Variants in FHIP1A observed in about 807,000 individuals in gnomAD.
FHIP1A encodes the protein FHF complex subunit HOOK-interacting protein 1A.
In FHIP1A, 61 loss-of-function variants were observed where a neutral mutation model predicts 88.6. That is an observed-to-expected ratio of 0.69 (90% CI 0.56 to 0.85). FHIP1A has a LOEUF of 0.85. Among genes scored for constraint, FHIP1A ranks in the 40% least tolerant of loss-of-function variants. FHIP1A has a pLI of 0.00. For missense variants in FHIP1A, 1,154 were observed against 1,273.5 expected, an observed-to-expected ratio of 0.91 and a Z score of 1.43; for synonymous variants, 478 against 496.0, an observed-to-expected ratio of 0.96 and a Z score of 0.48.
In FHIP1A at chr4:151,577,566, G is replaced by T; in HGVS notation, c.222G>T (p.Leu74Phe). 6.4e-7 allele frequency: 1 copy of T among 1,551,892 alleles called. No homozygotes were observed. Among genetic ancestry groups the T allele is most frequent in the Non-Finnish European group, 8.7e-7 (1 of 1,147,024 alleles). Residue 74 changes from leucine to phenylalanine, a missense_variant, in exon 5 of 14, where the codon TTG (leucine) becomes TTT (phenylalanine). Transcript: ENST00000435205. ...VQNYVEHMLF[L>F]LIEEQAKDAA... ...ATTACGTAGAACACATGCTCTTCTTGTTGATTGAAGAGCAAGCCAAAGATG... is the reference window on the plus strand; with the variant it reads ...ATTACGTAGAACACATGCTCTTCTTTTTGATTGAAGAGCAAGCCAAAGATG...
intron 11 of FHIP1A, among the ~76,000 whole-genome samples, chr4:151,652,401 A>C (rs1330074621): frequency 6.6e-6 from 1 of 152,190 alleles, no homozygotes; most frequent in Non-Finnish European, 1.5e-5. Flanking sequence ...CATTAGGCTT[A>C]ACTTCTTCTC....
At chr4:151,532,617 G>C (rs889841543) in intron 3 of FHIP1A, among the ~76,000 whole-genome samples, 1 of 152,176 alleles carries the variant, frequency 6.6e-6, no homozygotes, top group Admixed American at 6.5e-5. Context: ...AACTTGGTGG[G>C]GGGTGCTTTC....
intron 3 of FHIP1A, among the ~76,000 whole-genome samples, chr4:151,500,055 C>G (rs1434394090): frequency 6.6e-6 from 1 of 152,174 alleles, no homozygotes; most frequent in African/African-American, 2.4e-5. Flanking sequence ...AGAGCAGACC[C>G]TGCTACTGTT....
chr4:151,561,763 A>C (rs1405561930), intron 3 of FHIP1A, among the ~76,000 whole-genome samples: 1 of 152,160 alleles, frequency 6.6e-6, no homozygotes, highest in African/African-American at 2.4e-5. Context: ...AACAAAAAAA[A>C]CCTCAATCAT....
chr4:151,462,916 A>G (rs1445654629), intron 2 of FHIP1A, among the ~76,000 whole-genome samples: 1 of 152,170 alleles, frequency 6.6e-6, no homozygotes, highest in Non-Finnish European at 1.5e-5. Context: ...GCGGAATTAC[A>G]TGGAGTTTTC....
intron 4 of FHIP1A, among the ~76,000 whole-genome samples, chr4:151,576,056 G>A (rs1168779027): frequency 1.3e-5 from 2 of 152,170 alleles, no homozygotes; most frequent in East Asian, 3.8e-4. Context: ...GGAGTAAATG[G>A]AATGAATATT....
chr4:151,422,485 C>T (rs1172050263), intron 1 of FHIP1A, among the ~76,000 whole-genome samples: 2 of 152,122 alleles, frequency 1.3e-5, no homozygotes, highest in Non-Finnish European at 2.9e-5. Flanking sequence ...CTCCTGGGTT[C>T]ACAGGATTCT....
chr4:151,616,675 C>T (rs1393130579), intron 7 of FHIP1A, among the ~76,000 whole-genome samples: 4 of 151,964 alleles, frequency 2.6e-5, no homozygotes, highest in African/African-American at 9.7e-5. Flanking sequence ...TGGTCTCAAT[C>T]TCCTGACCTC....
chr4:151,431,071 C>A (rs2724568), intron 1 of FHIP1A, among the ~76,000 whole-genome samples: 2 of 151,934 alleles, frequency 1.3e-5, no homozygotes, highest in African/African-American at 4.8e-5. Context: ...GTGAGAGAAC[C>A]ATCTTTTGAA....
chr4:151,450,978 A>C (rs1728769995), intron 1 of FHIP1A, among the ~76,000 whole-genome samples: 1 of 151,946 alleles, frequency 6.6e-6, no homozygotes, highest in Non-Finnish European at 1.5e-5. Flanking sequence ...GTGTTTCATC[A>C]TGTTGGCTAG....
intron 7 of FHIP1A, among the ~76,000 whole-genome samples, chr4:151,618,119 A>G (rs1735611475): frequency 6.6e-6 from 1 of 152,228 alleles, no homozygotes; most frequent in Admixed American, 6.5e-5. Context: ...CTCAGCTGCT[A>G]GTATATTGTA....
intron 5 of FHIP1A, among the ~76,000 whole-genome samples, chr4:151,580,406 T>C (rs1733976514): frequency 6.6e-6 from 1 of 152,262 alleles, no homozygotes; most frequent in African/African-American, 2.4e-5. Context: ...AAGGGACCTG[T>C]GTTAAGTTGT....
At chr4:151,418,505 G>T (rs1732986196) in intron 1 of FHIP1A, among the ~76,000 whole-genome samples, 1 of 152,160 alleles carries the variant, frequency 6.6e-6, no homozygotes, top group South Asian at 2.1e-4. Flanking sequence ...GTTTCACAGA[G>T]AAGTGGTCAT....
In FHIP1A at chr4:151,649,709, A is replaced by G. The variant is rs1560820944; in HGVS notation, c.1668A>G (p.Gln556=). The G allele has an allele frequency of 6.4e-7, 1 of 1,551,596 alleles. No individual in the cohort carries two copies. The highest frequency in any genetic ancestry group is 8.7e-7 in the Non-Finnish European group (1 of 1,146,966). The change falls in exon 11 of 14, where the codon CAA becomes CAG. Residue 556 remains glutamine, a synonymous_variant. Transcript: ENST00000435205. Reference sequence around the variant, plus strand: ...CCTGCCCTGTGTTCGGGCTCCCGCAACAACTCCCCAGGAAGACAGGACCTC... The same window carrying G: ...CCTGCCCTGTGTTCGGGCTCCCGCAGCAACTCCCCAGGAAGACAGGACCTC... ...SSACPVFGLP[Q]QLPRKTGPQL... is the part of the protein sequence containing the mutation.
chr4:151,477,646 A>G (rs1317927427), intron 2 of FHIP1A, among the ~76,000 whole-genome samples: 1 of 152,168 alleles, frequency 6.6e-6, no homozygotes, highest in Non-Finnish European at 1.5e-5. Context: ...TCCATAAGAA[A>G]AAGTCCAAAA....
chr4:151,656,812 A>G lies in FHIP1A; in HGVS notation c.2783A>G (p.Asp928Gly). 1 of 1,551,588 alleles carries G rather than the reference A, an allele frequency of 6.4e-7. No individual in the cohort carries two copies. The highest frequency in any genetic ancestry group is 1.2e-5 in the South Asian group (1 of 84,062). The change falls in exon 13 of 14, where the codon GAC becomes GGC. Residue 928 changes from aspartate (D) to glycine (G), a missense_variant. Physicochemically the swap from Asp to Gly is moderately conservative, Grantham distance 94. Transcript: ENST00000435205. The surrounding 1 kb of genome is among the most constrained non-coding windows in gnomAD (Gnocchi z 4.2). ...KIEQFASVERDFPGLLIQAQQ... is the reference protein window; with the variant it reads ...KIEQFASVERGFPGLLIQAQQ... The stretch of plus-strand genomic sequence containing the variant: ...GAACAGTTTGCTTCTGTGGAGAGAG[A>G]CTTCCCAGGGCTCCTCATTCAAGCT...
At chr4:151,617,827 A>G (rs1259818511) in intron 7 of FHIP1A, among the ~76,000 whole-genome samples, 1 of 152,194 alleles carries the variant, frequency 6.6e-6, no homozygotes, top group Non-Finnish European at 1.5e-5. Context: ...TGGAGGTTGC[A>G]GTGAGCTGAG....
rs149904809 is a variant in FHIP1A, at chr4:151,424,064, T to C, written c.-356+14599T>C. Among the ~76,000 whole-genome samples, 14 of 152,326 alleles carry C rather than the reference T, an allele frequency of 9.2e-5. No individual in the cohort carries two copies. The East Asian group carries it at 2.7e-3, about 29-fold the overall frequency. The stretch of plus-strand genomic sequence containing the variant: ...CTCCACACCACCTACACTTTCTGTC[T>C]TATATCTCTGTGCCTCTTTTTTTGT... On this transcript the variant is annotated intron_variant, in intron 1 of 13. Transcript: ENST00000435205.
chr4:151,418,108 G>A (rs1006527088), intron 1 of FHIP1A, among the ~76,000 whole-genome samples: 1 of 149,690 alleles, frequency 6.7e-6, no homozygotes, highest in Admixed American at 6.7e-5. Context: ...GGAGTTTGAG[G>A]CTGCAGTGAC....
Sources: allele counts gnomAD v4.1 joint callset (sites outside exome capture counted in the v4.1 genomes callset), GRCh38; gene constraint gnomAD v4.1.1; non-coding constraint Gnocchi (gnomAD v3.1); transcripts MANE v1.5; gene names NCBI Gene and HGNC (gene_info 2026-07-23, HGNC 2026-07-21).